The following CDK13 variants were observed in gnomAD, a reference collection of about 807,000 sequenced individuals.
CDK13 encodes cyclin-dependent kinase 13.
A neutral mutation model predicts 137.6 loss-of-function variants in CDK13; 40 were observed. The observed-to-expected ratio is 0.29, with a 90% CI of 0.23 to 0.38. The LOEUF is 0.38. CDK13 is among the 10% of genes least tolerant of loss of function. The probability of loss-of-function intolerance (pLI) is 1.00; values close to 1 mark genes in which losing one functional copy is unlikely to be tolerated. For synonymous variants in CDK13, 869 were observed against 760.1 expected, an observed-to-expected ratio of 1.14 and a Z score of -2.36; for missense variants, 1,704 against 1,951.8, an observed-to-expected ratio of 0.87 and a Z score of 2.39.
Position 39,950,781 on chromosome 7 carries a change from A to AGCTCCTGCAACCGCC in CDK13, c.143_157dup (p.Leu48_Pro52dup). 6.8e-7 allele frequency: 1 copy of AGCTCCTGCAACCGCC among 1,471,214 alleles called. No individual in the cohort carries two copies. The highest frequency in any genetic ancestry group is 8.9e-7 in the Non-Finnish European group (1 of 1,118,658). The allele number at this position is 1,471,214 out of a possible 1,614,324, so 91.1% of individuals were successfully genotyped here. ...CTGCTGTTGCCGCTCCTGCAGCCGC[A>AGCTCCTGCAACCGCC]GCTCCTGCAACCGCCGCCGCCCCCG... On this transcript the variant is annotated inframe_insertion, in exon 1 of 14. Transcript: ENST00000181839.
chr7:39,997,089 A>G (rs1298583869), intron 2 of CDK13, among the ~76,000 whole-genome samples: 7 of 152,138 alleles, frequency 4.6e-5, no homozygotes, highest in East Asian at 1.9e-4. Context: ...GTTTTAAAAA[A>G]TAAACTTTAT....
At chr7:40,091,053 A>G (rs940353757) in intron 12 of CDK13, among the ~76,000 whole-genome samples, 11 of 151,638 alleles carry the variant, frequency 7.3e-5, no homozygotes, top group African/African-American at 2.4e-4. Flanking sequence ...TCTACTAAAA[A>G]TAAAACAACT....
At chr7:39,961,502 A>C (rs1043174856) in intron 1 of CDK13, among the ~76,000 whole-genome samples, 1 of 151,938 alleles carries the variant, frequency 6.6e-6, no homozygotes, top group African/African-American at 2.4e-5. Context: ...CTTTCCCTAT[A>C]CACTCCTCTC....
At chr7:40,067,063 T>C (rs947700522) in intron 9 of CDK13, among the ~76,000 whole-genome samples, 13 of 152,202 alleles carry the variant, frequency 8.5e-5, no homozygotes, top group African/African-American at 2.9e-4. Context: ...ATATCAGCAT[T>C]ATTCGAAGAG....
intron 1 of CDK13, among the ~76,000 whole-genome samples, chr7:39,977,362 G>A (rs1784132785): frequency 6.6e-6 from 1 of 152,166 alleles, no homozygotes; most frequent in Non-Finnish European, 1.5e-5. Context: ...TATTTATTGA[G>A]CATCTACCAC....
At chr7:40,085,532 C>A (rs1366596834) in intron 11 of CDK13, among the ~76,000 whole-genome samples, 3 of 152,128 alleles carry the variant, frequency 2.0e-5, no homozygotes, top group African/African-American at 7.2e-5. Flanking sequence ...TCCAGTTACC[C>A]CACTGTGCAG....
At chr7:40,043,233 T>G (rs1447140151) in intron 5 of CDK13, among the ~76,000 whole-genome samples, 1 of 152,240 alleles carries the variant, frequency 6.6e-6, no homozygotes, top group Admixed American at 6.5e-5. Context: ...AAACACTATT[T>G]TATCTATTCT....
intron 5 of CDK13, among the ~76,000 whole-genome samples, chr7:40,034,513 T>C (rs1281716225): frequency 1.3e-5 from 2 of 152,186 alleles, no homozygotes; most frequent in African/African-American, 4.8e-5. Context: ...AGCTGCATAA[T>C]ATACTACAAT....
At chr7:40,058,544 A>C (rs1007397564) in intron 7 of CDK13, among the ~76,000 whole-genome samples, 6 of 151,034 alleles carry the variant, frequency 4.0e-5, no homozygotes, top group Admixed American at 1.3e-4. Context: ...AAAAAAAATA[A>C]ATAAAATAAT....
rs867415269 is a variant in CDK13 at position 39,997,405 on chromosome 7, G to A, written c.1872-89G>A. 16 of 968,850 alleles carry A rather than the reference G, an allele frequency of 1.7e-5. No individual in the cohort carries two copies. In the African/African-American group the frequency reaches 1.8e-4, roughly 11 times the overall value. The allele number at this position is 968,850 out of a possible 1,614,324, so 60.0% of individuals were successfully genotyped here. A position where few individuals can be genotyped will look rare whatever the true frequency, so the allele number is the denominator to read the frequency against. On this transcript the variant is annotated intron_variant, in intron 2 of 13. Transcript: ENST00000181839. ...ATGTGAAATACTGTTGAATATTCAT[G>A]ACTATTGCTACTTAAATGTAAGTCA...
At chr7:40,033,789 T>C (rs1299984160) in intron 5 of CDK13, among the ~76,000 whole-genome samples, 3 of 152,194 alleles carry the variant, frequency 2.0e-5, no homozygotes, top group East Asian at 3.8e-4. Context: ...GTTCTCAGTC[T>C]TTTAGTGAAC....
At chr7:40,004,933 C>T (rs1025361081) in intron 5 of CDK13, among the ~76,000 whole-genome samples, 6 of 152,032 alleles carry the variant, frequency 3.9e-5, no homozygotes, top group South Asian at 2.1e-4. Context: ...TAGGGAAGGC[C>T]GAGGTAGGTG....
intron 1 of CDK13, among the ~76,000 whole-genome samples, chr7:39,962,483 G>GT (rs1783770390): frequency 6.6e-6 from 1 of 152,114 alleles, no homozygotes; most frequent in South Asian, 2.1e-4. Flanking sequence ...TGATGGGGTT[G>GT]TTTTTTTCTT....
intron 1 of CDK13, chr7:39,986,479 C>T (rs1562712954): frequency 6.6e-6 from 1 of 152,124 alleles, no homozygotes; most frequent in East Asian, 1.9e-4. Flanking sequence ...AACCTAAGTC[C>T]TAGTTCAGAC....
At chr7:40,056,362 A>T (rs961754912) in intron 7 of CDK13, among the ~76,000 whole-genome samples, 3 of 152,216 alleles carry the variant, frequency 2.0e-5, no homozygotes, top group Admixed American at 1.3e-4. Context: ...AAATATTTAA[A>T]ATACAATTAA....
intron 7 of CDK13, among the ~76,000 whole-genome samples, chr7:40,049,957 A>G (rs1297857121): frequency 6.6e-6 from 1 of 152,020 alleles, no homozygotes; most frequent in Non-Finnish European, 1.5e-5. Context: ...TTGTGCGTAT[A>G]TGCCACATTT....
rs530398292 is a variant in CDK13 at position 39,965,468 on chromosome 7, T to C, written c.1211+13616T>C. ...TGCCTTTTTTTGTTTTCCATTTGCT[T>C]GGTAGATCTTCCTCCATCTCTTTAT... On this transcript the variant is annotated intron_variant, in intron 1 of 13. Transcript: ENST00000181839. Among the ~76,000 whole-genome samples, 6 of 152,316 alleles carry C rather than the reference T, an allele frequency of 3.9e-5. No homozygotes were observed. The South Asian group carries it at 8.3e-4, about 21-fold the overall frequency.
rs1429265965 is a variant in CDK13, at chr7:39,951,290, C to G, written c.649C>G (p.Arg217Gly). The G allele has an allele frequency of 7.3e-7, 1 of 1,364,686 alleles. No homozygotes were observed. Among genetic ancestry groups the G allele is most frequent in the Non-Finnish European group, 9.4e-7 (1 of 1,067,910 alleles). The allele number at this position is 1,364,686 out of a possible 1,614,324, so 84.5% of individuals were successfully genotyped here. The part of the protein sequence containing the change: ...GRSKERHREH[R>G]RRDGQRGGSE... ...CAGCAAGGAGCGCCACCGCGAGCACCGGCGGCGGGATGGGCAGCGCGGTGG... is the reference window on the plus strand; with the variant it reads ...CAGCAAGGAGCGCCACCGCGAGCACGGGCGGCGGGATGGGCAGCGCGGTGG... Residue 217 changes from arginine to glycine, a missense_variant, in exon 1 of 14, where the codon CGG becomes GGG. Arg to Gly is a moderately radical substitution (Grantham distance 125). This residue lies in a region of CDK13 where 1,051 missense variants were observed against 931.0 expected (regional missense o/e 1.13). Coordinates refer to ENST00000181839, the MANE Select transcript of CDK13 (RefSeq NM_003718.5).
At chr7:40,050,589 C>T (rs926011989) in intron 7 of CDK13, among the ~76,000 whole-genome samples, 3 of 152,112 alleles carry the variant, frequency 2.0e-5, no homozygotes, top group Non-Finnish European at 2.9e-5. Flanking sequence ...GACAGGATTT[C>T]GCCATGTTGG....
Sources: allele counts gnomAD v4.1 joint callset (sites outside exome capture counted in the v4.1 genomes callset), GRCh38; gene constraint gnomAD v4.1.1; regional missense constraint gnomAD v4.1.1; transcripts MANE v1.5; gene names NCBI Gene and HGNC (gene_info 2026-07-23, HGNC 2026-07-21).